FANCL: variants seen among roughly 807,000 people sequenced by gnomAD.
FANCL encodes E3 ubiquitin-protein ligase FANCL.
FANCL carries 69 observed loss-of-function variants against 59.4 expected under a neutral mutation model. The observed-to-expected ratio is 1.16, with a 90% CI of 0.96 to 1.42. The LOEUF (loss-of-function observed/expected upper bound fraction) is 1.42. FANCL is among the 40% of genes most tolerant of loss of function. The pLI is 0.00. For synonymous variants in FANCL, 180 were observed against 147.1 expected (o/e 1.22, Z -1.62); for missense variants, 519 against 447.2 (o/e 1.16, Z -1.45).
intron 4 of FANCL, among the ~76,000 whole-genome samples, chr2:58,224,731 A>G (rs1692816396): frequency 6.6e-6 from 1 of 151,930 alleles, no homozygotes; most frequent in Non-Finnish European, 1.5e-5. Flanking sequence ...TAAGTGAAAT[A>G]TAACAAGTAG....
chr2:58,219,901 A>G (rs543919188), intron 5 of FANCL, among the ~76,000 whole-genome samples: 3 of 152,290 alleles, frequency 2.0e-5, no homozygotes, highest in Admixed American at 1.3e-4. Context: ...ATTATCATAC[A>G]ATGGAAGACA....
chr2:58,186,207 T>C (rs1327269260), intron 7 of FANCL, among the ~76,000 whole-genome samples: 1 of 152,212 alleles, frequency 6.6e-6, no homozygotes, highest in Middle Eastern at 3.2e-3. Context: ...AGGTCATATA[T>C]AATTGCATAG....
intron 2 of FANCL, among the ~76,000 whole-genome samples, chr2:58,231,407 C>G (rs997996031): frequency 2.0e-5 from 3 of 152,198 alleles, no homozygotes; most frequent in African/African-American, 7.2e-5. Context: ...ACTTTTCCAT[C>G]TGTGACCTCT....
intron 5 of FANCL, among the ~76,000 whole-genome samples, chr2:58,220,433 TA>T (rs1173460681): frequency 6.6e-6 from 1 of 152,188 alleles, no homozygotes; most frequent in African/African-American, 2.4e-5. Context: ...GAAACTGTTC[TA>T]AATAAAAGCC....
At chr2:58,190,667 C>A (rs1281711143) in intron 7 of FANCL, among the ~76,000 whole-genome samples, 2 of 151,828 alleles carry the variant, frequency 1.3e-5, no homozygotes, top group Non-Finnish European at 2.9e-5. Flanking sequence ...CTTTACATCA[C>A]ATAAGTTCAA....
At chr2:58,176,842 C>T (rs1310287375) in intron 7 of FANCL, among the ~76,000 whole-genome samples, 2 of 152,058 alleles carry the variant, frequency 1.3e-5, no homozygotes, top group African/African-American at 4.8e-5. Flanking sequence ...AGTGAACAGG[C>T]AACCTACAAA....
chr2:58,204,207 A>G lies in FANCL; in HGVS notation c.394T>C (p.Cys132Arg), dbSNP rs748298862. ...GCTTTTAACTTGATGGTACTGAAGC[A>G]GGTATCCGCATACACAAGTCTGGTG... ...GWDKLVYADT[C>R]FSTIKLKAED... Residue 132 changes from cysteine to arginine, a missense_variant, in exon 6 of 14, where the codon TGC becomes CGC. Cys to Arg is a radical substitution (Grantham distance 180, BLOSUM62 -3). Transcript: ENST00000233741. 9 of 1,613,074 alleles carry G rather than the reference A, an allele frequency of 5.6e-6. No homozygotes were observed. The highest frequency in any genetic ancestry group is 7.6e-6 in the Non-Finnish European group (9 of 1,179,252).
At chr2:58,237,374 T>C (rs1490708348) in intron 1 of FANCL, among the ~76,000 whole-genome samples, 8 of 152,050 alleles carry the variant, frequency 5.3e-5, no homozygotes, top group Admixed American at 3.3e-4. Context: ...AAGTGAGCCA[T>C]AGATCAAAGA....
intron 7 of FANCL, among the ~76,000 whole-genome samples, chr2:58,186,885 T>C (rs939051402): frequency 5.3e-5 from 8 of 152,172 alleles, no homozygotes; most frequent in Admixed American, 2.6e-4. Context: ...TCACACCAGT[T>C]AGAATGGCAA....
chr2:58,187,913 G>T (rs1018772201), intron 7 of FANCL, among the ~76,000 whole-genome samples: 5 of 152,222 alleles, frequency 3.3e-5, no homozygotes, highest in African/African-American at 7.2e-5. Flanking sequence ...TTCAAGAACA[G>T]AAATTTTTAA....
At chr2:58,189,683 T>C (rs936415983) in intron 7 of FANCL, among the ~76,000 whole-genome samples, 1 of 152,144 alleles carries the variant, frequency 6.6e-6, no homozygotes, top group African/African-American at 2.4e-5. Flanking sequence ...GTTACTTTCA[T>C]AATACCTGAA....
At chr2:58,231,380 A>T (rs1693564253) in intron 2 of FANCL, among the ~76,000 whole-genome samples, 1 of 152,202 alleles carries the variant, frequency 6.6e-6, no homozygotes, top group African/African-American at 2.4e-5. Flanking sequence ...AATATGCCTT[A>T]AAACAATCTC....
chr2:58,200,944 A>G (rs1689951199), intron 6 of FANCL, among the ~76,000 whole-genome samples: 1 of 151,650 alleles, frequency 6.6e-6, no homozygotes, highest in South Asian at 2.1e-4. Context: ...ATATGTGTTA[A>G]TTACATTCAT....
Position 58,182,916 on chromosome 2 carries a change from G to T in FANCL, c.540+15678C>A, listed in dbSNP as rs1316203663. Reference sequence around the variant, plus strand: ...CTAGCTCTACCACTTAACATTAGTTGCACCTTTTTAGCAAGTTACTTACCT... The same window carrying T: ...CTAGCTCTACCACTTAACATTAGTTTCACCTTTTTAGCAAGTTACTTACCT... On this transcript the variant is annotated intron_variant, in intron 7 of 13. Transcript: ENST00000233741. 5.3e-5 allele frequency among the ~76,000 whole-genome samples: 8 copies of T among 151,676 alleles called. 1 individual carries two copies. The highest frequency in any genetic ancestry group is 1.7e-4 in the African/African-American group (7 of 41,338).
intron 7 of FANCL, among the ~76,000 whole-genome samples, chr2:58,188,643 G>A (rs1278649198): frequency 6.6e-6 from 1 of 151,706 alleles, no homozygotes; most frequent in African/African-American, 2.4e-5. Context: ...GTTTCACCAT[G>A]TTGCCCAGAT....
At chr2:58,211,569 ATTTTC>A (rs1352977354) in intron 5 of FANCL, among the ~76,000 whole-genome samples, 3 of 152,006 alleles carry the variant, frequency 2.0e-5, no homozygotes, top group Non-Finnish European at 2.9e-5. Flanking sequence ...AGAAAACGGG[ATTTTC>A]TTTTCTATCA....
At chr2:58,177,282 T>G (rs1454339867) in intron 7 of FANCL, among the ~76,000 whole-genome samples, 2 of 152,120 alleles carry the variant, frequency 1.3e-5, no homozygotes. Context: ...CATTACTGGG[T>G]ATATACCCAA....
intron 5 of FANCL, among the ~76,000 whole-genome samples, chr2:58,208,268 T>C (rs1166186549): frequency 1.3e-5 from 2 of 152,166 alleles, no homozygotes; most frequent in Non-Finnish European, 2.9e-5. Context: ...GTTTAGATAT[T>C]ATCACTAAGC....
chr2:58,217,199 TATATATATATATATATAC>T (rs1187910987), intron 5 of FANCL, among the ~76,000 whole-genome samples: 437 of 9,624 alleles, frequency 0.045, 5 homozygotes, highest in Non-Finnish European at 0.077. Context: ...TATATATATA[TATATATATATATATATAC>T]ACACACACAC....
Sources: allele counts gnomAD v4.1 joint callset (sites outside exome capture counted in the v4.1 genomes callset), GRCh38; gene constraint gnomAD v4.1.1; transcripts MANE v1.5; gene names NCBI Gene and HGNC (gene_info 2026-07-23, HGNC 2026-07-21).